The following LARP4B variants were observed in gnomAD, a reference collection of about 807,000 sequenced individuals.
LARP4B encodes the protein la-related protein 4B.
LARP4B carries 12 observed loss-of-function variants against 89.8 expected under a neutral mutation model. The ratio of observed to expected loss-of-function variants is 0.13; its 90% CI spans 0.09 to 0.22. LARP4B has a LOEUF of 0.22. LARP4B is among the 10% of genes least tolerant of loss of function. The pLI is 1.00. For missense variants in LARP4B, 757 were observed against 947.7 expected (o/e 0.80, Z 2.64); for synonymous variants, 367 against 363.3 (o/e 1.01, Z -0.12).
intron 3 of LARP4B, among the ~76,000 whole-genome samples, chr10:883,404 G>A (rs540770677): frequency 2.0e-5 from 3 of 152,202 alleles, no homozygotes; most frequent in Admixed American, 1.3e-4. Flanking sequence ...CCAGCTACTC[G>A]GGAGGCTGAG....
chr10:807,778 GTGCACGAGGGTCTCTGGCTAAGCCAC>G (rs1295154566), downstream of LARP4B: 3 of 152,396 alleles, frequency 2.0e-5, no homozygotes, highest in Non-Finnish European at 4.4e-5. Flanking sequence ...CTGAAGGCTG[GTGCACGAGGGTCTCTGGCTAAGCCAC>G]TGCACGCTTA....
In LARP4B at chr10:884,500, C is replaced by G. The variant is rs1426438144; in HGVS notation, c.88G>C (p.Gly30Arg). The G allele has an allele frequency of 6.3e-7, 1 of 1,597,192 alleles. No homozygotes were observed. Among genetic ancestry groups the G allele is most frequent in the Non-Finnish European group, 8.6e-7 (1 of 1,165,104 alleles). ...EGKDSAHLMN[G>R]PISQTTSQTS... ...TGAGAAGTGGTTTGAGATATAGGAC[C>G]ATTCATCTGTAAAATTGAAAACAAA... Residue 30 changes from glycine (G) to arginine (R), a missense_variant, in exon 3 of 18, where the codon GGT (glycine) becomes CGT (arginine). Physicochemically the swap from Gly to Arg is moderately radical, Grantham distance 125 (BLOSUM62 -2). This residue lies in a region of LARP4B where 175 missense variants were observed against 187.0 expected (regional missense o/e 0.94). Coordinates refer to ENST00000316157, the MANE Select transcript of LARP4B (RefSeq NM_015155.3).
At chr10:827,119 CA>C (rs576725177) in intron 11 of LARP4B, among the ~76,000 whole-genome samples, 574 of 152,112 alleles carry the variant, frequency 3.8e-3, no homozygotes, top group Non-Finnish European at 6.6e-3. Context: ...ACTAAAAATA[CA>C]AAAAAATTAT....
chr10:932,204 C>T (rs1212097917), upstream of LARP4B, among the ~76,000 whole-genome samples: 1 of 150,084 alleles, frequency 6.7e-6, no homozygotes. Flanking sequence ...CATCCCACCC[C>T]CAGGACCCAG....
intron 8 of LARP4B, among the ~76,000 whole-genome samples, chr10:833,614 C>T (rs567682921): frequency 6.6e-6 from 1 of 152,168 alleles, no homozygotes; most frequent in East Asian, 1.9e-4. Context: ...AAATTGGGCC[C>T]GGTGCGGTGG....
chr10:972,585 G>C, the LARP4B span: 1 of 457,318 alleles, frequency 2.2e-6, no homozygotes, highest in East Asian at 6.9e-5. Context: ...CAGCGTCAGA[G>C]TTAGACCAAG....
intron 1 of LARP4B, among the ~76,000 whole-genome samples, chr10:930,137 C>T (rs1219489833): frequency 6.6e-6 from 1 of 152,078 alleles, no homozygotes; most frequent in Non-Finnish European, 1.5e-5. Context: ...GAGGACACCA[C>T]TCTTCCCCAC....
chr10:892,498 A>G (rs1334995377), intron 1 of LARP4B, among the ~76,000 whole-genome samples: 2 of 152,202 alleles, frequency 1.3e-5, no homozygotes, highest in East Asian at 1.9e-4. Flanking sequence ...ATAAACAACT[A>G]TATGTCAGGT....
intron 1 of LARP4B, among the ~76,000 whole-genome samples, chr10:915,600 C>G (rs916175840): frequency 2.0e-5 from 3 of 152,042 alleles, no homozygotes; most frequent in Non-Finnish European, 4.4e-5. Flanking sequence ...GTCAGGAGAT[C>G]GAGACCATCC....
At chr10:910,725 G>A (rs1836644154) in intron 1 of LARP4B, among the ~76,000 whole-genome samples, 1 of 152,212 alleles carries the variant, frequency 6.6e-6, no homozygotes, top group South Asian at 2.1e-4. Context: ...TGGGATAAAG[G>A]ACTGGCAGAT....
At chr10:884,414 A>T in intron 3 of LARP4B, 33 bp downstream of exon 3, 1 of 1,436,500 alleles carries the variant, frequency 7.0e-7, no homozygotes, top group East Asian at 2.3e-5. Flanking sequence ...ACTGTGATTA[A>T]AAAATCTGTG....
intron 1 of LARP4B, among the ~76,000 whole-genome samples, chr10:909,601 A>G (rs1836611346): frequency 2.0e-5 from 3 of 151,996 alleles, no homozygotes; most frequent in African/African-American, 4.8e-5. Context: ...CCTGGCCAAC[A>G]TGGTGAAACC....
At chr10:935,203 G>T (rs1032545416), upstream of LARP4B, among the ~76,000 whole-genome samples, 1 of 152,174 alleles carries the variant, frequency 6.6e-6, no homozygotes, top group African/African-American at 2.4e-5. Flanking sequence ...TTACACTCCA[G>T]ACTGCACAGT....
At chr10:826,948 C>G (rs1356024146) in intron 11 of LARP4B, among the ~76,000 whole-genome samples, 1 of 152,188 alleles carries the variant, frequency 6.6e-6, no homozygotes, top group Non-Finnish European at 1.5e-5. Context: ...ACTTGAGAAA[C>G]TCTTCACTCT....
At chr10:839,287 T>C (rs1376396489) in intron 7 of LARP4B, among the ~76,000 whole-genome samples, 1 of 152,318 alleles carries the variant, frequency 6.6e-6, no homozygotes, top group Admixed American at 6.5e-5. Flanking sequence ...CAGTGTTGGT[T>C]TCATCAATTA....
chr10:821,914 A>C (rs997982522), intron 13 of LARP4B, among the ~76,000 whole-genome samples: 2 of 152,204 alleles, frequency 1.3e-5, no homozygotes, highest in African/African-American at 4.8e-5. Flanking sequence ...ATGAGTACTG[A>C]GCCACAGGTG....
intron 1 of LARP4B, among the ~76,000 whole-genome samples, chr10:894,510 T>G (rs562210190): frequency 3.3e-5 from 5 of 152,260 alleles, no homozygotes; most frequent in Admixed American, 6.5e-5. Context: ...GTCAAATAAA[T>G]TAGGTTTAAA....
At chr10:987,111 A>C in the LARP4B span, 1 of 149,776 alleles carries the variant, frequency 6.7e-6, no homozygotes, top group Non-Finnish European at 1.5e-5. Context: ...GGCAATAAGT[A>C]TGAGCATAGC....
At chr10:897,325 A>G (rs1158488738) in intron 1 of LARP4B, among the ~76,000 whole-genome samples, 2 of 152,272 alleles carry the variant, frequency 1.3e-5, no homozygotes, top group African/African-American at 4.8e-5. Context: ...AAATGTCAAC[A>G]TGAAAATAAT....
Sources: allele counts gnomAD v4.1 joint callset (sites outside exome capture counted in the v4.1 genomes callset), GRCh38; gene constraint gnomAD v4.1.1; regional missense constraint gnomAD v4.1.1; transcripts MANE v1.5; gene names NCBI Gene and HGNC (gene_info 2026-07-23, HGNC 2026-07-21).